The following RARB variants were observed in gnomAD, a reference collection of about 807,000 sequenced individuals.
The protein encoded by RARB is HBV-activated protein.
A neutral mutation model predicts 51.9 loss-of-function variants in RARB; 17 were observed. The ratio of observed to expected loss-of-function variants is 0.33; its 90% CI spans 0.22 to 0.49. The LOEUF is 0.49. RARB is among the 20% of genes least tolerant of loss of function. The pLI, the probability that RARB is intolerant of heterozygous loss-of-function variation, is 0.99. For synonymous variants in RARB, 215 were observed against 195.4 expected, an observed-to-expected ratio of 1.10 and a Z score of -0.84; for missense variants, 369 against 550.8, an observed-to-expected ratio of 0.67 and a Z score of 3.30.
chr3:24,863,960 A>G (rs59634800), intron 2 of RARB, among the ~76,000 whole-genome samples: 2,172 of 152,090 alleles, frequency 0.014, 28 homozygotes, highest in African/African-American at 0.049. Flanking sequence ...GCGCCACCCT[A>G]TCTCAATGTC....
chr3:25,180,560 T>C (rs10865803), intron 5 of RARB, among the ~76,000 whole-genome samples: 72,051 of 152,074 alleles, frequency 0.47, 17,800 homozygotes, highest in East Asian at 0.69. Flanking sequence ...TGCAGGTAGG[T>C]GGACATGAGG....
chr3:24,851,458 G>A (rs1179984576), intron 1 of RARB, among the ~76,000 whole-genome samples: 5 of 150,754 alleles, frequency 3.3e-5, no homozygotes, highest in South Asian at 2.1e-4. Flanking sequence ...ATTGTGGCCC[G>A]ATTAGGTGAT....
chr3:25,104,399 G>C (rs1045442922), intron 3 of RARB, among the ~76,000 whole-genome samples: 5 of 152,176 alleles, frequency 3.3e-5, no homozygotes, highest in African/African-American at 1.2e-4. Context: ...GGGGATGGGG[G>C]TGGAGGGAGA....
chr3:25,236,760 T>C (rs1463913283), intron 5 of RARB, among the ~76,000 whole-genome samples: 1 of 152,050 alleles, frequency 6.6e-6, no homozygotes, highest in African/African-American at 2.4e-5. Flanking sequence ...GTAGGGGTCA[T>C]AAGAAAAATA....
chr3:25,384,399 A>G (rs773794926), intron 5 of RARB, among the ~76,000 whole-genome samples: 9 of 152,228 alleles, frequency 5.9e-5, no homozygotes, highest in African/African-American at 1.9e-4. Context: ...ATGTAGAATA[A>G]CAATGAGAGT....
chr3:25,346,151 C>A (rs1440505986), intron 5 of RARB, among the ~76,000 whole-genome samples: 2 of 152,196 alleles, frequency 1.3e-5, no homozygotes, highest in Non-Finnish European at 2.9e-5. Flanking sequence ...TATTCAGATA[C>A]AACTTCCATA....
rs529178969 is a variant in RARB at position 25,593,390 on chromosome 3, C to G, written c.787-113C>G. The G allele has an allele frequency of 2.8e-5, 27 of 955,886 alleles. No homozygotes were observed. In the African/African-American group the frequency reaches 4.4e-4, roughly 16 times the overall value. The allele number at this position is 955,886 out of a possible 1,614,324, so 59.2% of individuals were successfully genotyped here. ...AGACATTCAACATGTGAAAGGGGGA[C>G]AGACTGCCCCAAGAGCTCCTTGGAA... On this transcript the variant is annotated intron_variant, in intron 5 of 7. Coordinates refer to ENST00000330688, the MANE Select transcript of RARB (RefSeq NM_000965.5).
intron 5 of RARB, among the ~76,000 whole-genome samples, chr3:25,308,866 C>A (rs1304302932): frequency 6.6e-6 from 1 of 152,182 alleles, no homozygotes; most frequent in African/African-American, 2.4e-5. Flanking sequence ...ACTAATCTGT[C>A]ACCGGGCACT....
At chr3:25,468,954 G>C (rs192004917) in intron 2 of RARB, among the ~76,000 whole-genome samples, 51 of 152,360 alleles carry the variant, frequency 3.3e-4, no homozygotes, top group African/African-American at 1.2e-3. Context: ...TGGCACAGCC[G>C]TGATGGCGTG....
intron 2 of RARB, among the ~76,000 whole-genome samples, chr3:24,859,483 C>T (rs1369089325): frequency 6.6e-6 from 1 of 152,198 alleles, no homozygotes; most frequent in Non-Finnish European, 1.5e-5. Flanking sequence ...ACAGACTCTT[C>T]TAAAGCAGCT....
intron 2 of RARB, among the ~76,000 whole-genome samples, chr3:25,466,249 G>T (rs552635871): frequency 6.6e-6 from 1 of 152,106 alleles, no homozygotes; most frequent in Non-Finnish European, 1.5e-5. Context: ...GTGCAGTGGC[G>T]CGATCTAGGC....
chr3:25,356,349 T>A (rs1466717611), intron 5 of RARB, among the ~76,000 whole-genome samples: 1 of 152,138 alleles, frequency 6.6e-6, no homozygotes, highest in East Asian at 1.9e-4. Context: ...CCTTTTGACA[T>A]TTTCTAAGTT....
At chr3:25,417,383 C>T (rs1036850691) in intron 5 of RARB, among the ~76,000 whole-genome samples, 1 of 152,092 alleles carries the variant, frequency 6.6e-6, no homozygotes, top group African/African-American at 2.4e-5. Context: ...TGTCCCTACC[C>T]AGATCTCATC....
At chr3:25,330,731 G>C (rs1484946580) in intron 5 of RARB, among the ~76,000 whole-genome samples, 1 of 152,168 alleles carries the variant, frequency 6.6e-6, no homozygotes, top group Non-Finnish European at 1.5e-5. Flanking sequence ...ATTGGATAAA[G>C]AGTCAAGACC....
chr3:25,288,747 T>C (rs1703713857), intron 5 of RARB, among the ~76,000 whole-genome samples: 1 of 147,562 alleles, frequency 6.8e-6, no homozygotes, highest in Non-Finnish European at 1.5e-5. Context: ...AAATTATCTT[T>C]TGGAACTTTC....
At chr3:25,138,553 T>C (rs180962661) in intron 4 of RARB, among the ~76,000 whole-genome samples, 1 of 152,262 alleles carries the variant, frequency 6.6e-6, no homozygotes, top group Admixed American at 6.5e-5. Flanking sequence ...GTCTCTTTCT[T>C]GATAGATTTG....
chr3:24,991,969 C>G (rs938223302), intron 2 of RARB, among the ~76,000 whole-genome samples: 1 of 152,054 alleles, frequency 6.6e-6, no homozygotes, highest in Non-Finnish European at 1.5e-5. Flanking sequence ...ACCTTCCTCC[C>G]CTGCTCAGGC....
intron 5 of RARB, among the ~76,000 whole-genome samples, chr3:25,354,583 T>C (rs996309266): frequency 2.6e-5 from 4 of 152,166 alleles, no homozygotes; most frequent in Non-Finnish European, 4.4e-5. Flanking sequence ...TCCTCATACA[T>C]TGAAGAACTG....
chr3:25,470,220 GA>G (rs1260765198), intron 2 of RARB, among the ~76,000 whole-genome samples: 2 of 152,154 alleles, frequency 1.3e-5, no homozygotes, highest in Non-Finnish European at 2.9e-5. Context: ...TGTCTGGTAG[GA>G]AGGGAGGAAA....
Sources: gnomAD v4.1 joint callset for allele counts (sites outside exome capture counted in the v4.1 genomes callset) on GRCh38, gnomAD v4.1.1 for gene constraint, MANE v1.5 for transcripts, NCBI Gene and HGNC (gene_info 2026-07-23, HGNC 2026-07-21) for gene names.